MCUB: variants seen among roughly 807,000 people sequenced by gnomAD.
MCUB encodes the protein calcium uniporter regulatory subunit MCUb, mitochondrial.
In MCUB, 46 loss-of-function variants were observed where a neutral mutation model predicts 41.4. The observed-to-expected ratio is 1.11, with a 90% CI of 0.88 to 1.42. The LOEUF (loss-of-function observed/expected upper bound fraction) is 1.42, where lower values mean the gene tolerates loss of function less well. Among genes scored for constraint, MCUB ranks in the 40% most tolerant of loss-of-function variants. The probability of loss-of-function intolerance (pLI) is 0.00; values close to 1 mark genes in which losing one functional copy is unlikely to be tolerated. For synonymous variants in MCUB, 148 were observed against 148.2 expected, an observed-to-expected ratio of 1.00 and a Z score of 0.01; for missense variants, 403 against 404.9, an observed-to-expected ratio of 1.00 and a Z score of 0.04.
chr4:109,676,737 A>C (rs1278337445), intron 4 of MCUB, among the ~76,000 whole-genome samples: 2 of 152,254 alleles, frequency 1.3e-5, no homozygotes, highest in African/African-American at 2.4e-5. Flanking sequence ...TTTCATATCC[A>C]AGGACTTTAT....
intron 1 of MCUB, among the ~76,000 whole-genome samples, chr4:109,625,265 C>T (rs1339060061): frequency 6.6e-6 from 1 of 152,164 alleles, no homozygotes; most frequent in Non-Finnish European, 1.5e-5. Flanking sequence ...TCTCAGGCCT[C>T]ATCAGAAGAG....
chr4:109,607,909 T>C (rs59610550), intron 1 of MCUB, among the ~76,000 whole-genome samples: 3,003 of 152,294 alleles, frequency 0.02, 96 homozygotes, highest in African/African-American at 0.069. Flanking sequence ...GTAACTTTCT[T>C]GTATTTGAAT....
intron 1 of MCUB, among the ~76,000 whole-genome samples, chr4:109,622,577 G>C (rs2126135982): frequency 1.3e-5 from 2 of 152,308 alleles, no homozygotes; most frequent in African/African-American, 4.8e-5. Flanking sequence ...TGATTTAAAA[G>C]TGAGGATCCT....
chr4:109,573,452 C>CAA lies in MCUB; in HGVS notation c.99+13030_99+13031dup, dbSNP rs763163538. Among the ~76,000 whole-genome samples the CAA allele has an allele frequency of 8.9e-3, 791 of 88,966 alleles. 3 individuals are homozygous for CAA. Among genetic ancestry groups the CAA allele is most frequent in the Non-Finnish European group, 0.011 (446 of 42,132 alleles). 58.4% of individuals were successfully genotyped at this position (88,966 alleles called of 152,430 possible). The stretch of plus-strand genomic sequence containing the variant: ...TGAGCGACAGAGTGAGACTCCATCT[C>CAA]AAAAAAAAAAAAAAAGGAAGAGTGG... On this transcript the variant is annotated intron_variant, in intron 1 of 7. Transcript: ENST00000394650.
At chr4:109,668,824 T>G (rs1202583127) in intron 4 of MCUB, among the ~76,000 whole-genome samples, 1 of 152,072 alleles carries the variant, frequency 6.6e-6, no homozygotes, top group East Asian at 1.9e-4. Flanking sequence ...TTTTAGCGGT[T>G]GCCTAAGAGT....
At chr4:109,656,276 C>G (rs1249824952) in intron 1 of MCUB, among the ~76,000 whole-genome samples, 2 of 150,824 alleles carry the variant, frequency 1.3e-5, no homozygotes, top group Non-Finnish European at 2.9e-5. Flanking sequence ...CATGCCAAAC[C>G]ACTGGCAGTG....
At chr4:109,670,729 A>G (rs1273752532) in intron 4 of MCUB, among the ~76,000 whole-genome samples, 3 of 151,954 alleles carry the variant, frequency 2.0e-5, no homozygotes, top group Admixed American at 1.3e-4. Flanking sequence ...CAAAAAAAAA[A>G]AAGAAAAAGA....
At chr4:109,579,558 G>A (rs1727121424) in intron 1 of MCUB, among the ~76,000 whole-genome samples, 1 of 152,152 alleles carries the variant, frequency 6.6e-6, no homozygotes, top group African/African-American at 2.4e-5. Context: ...CATAGCATTA[G>A]GCAGGTTTTG....
At chr4:109,587,789 C>T (rs1274559930) in intron 1 of MCUB, among the ~76,000 whole-genome samples, 1 of 152,066 alleles carries the variant, frequency 6.6e-6, no homozygotes, top group Non-Finnish European at 1.5e-5. Flanking sequence ...GAAATAGACT[C>T]ATAAAAATAA....
At chr4:109,592,903 CA>C (rs1381594515) in intron 1 of MCUB, among the ~76,000 whole-genome samples, 29 of 152,314 alleles carry the variant, frequency 1.9e-4, no homozygotes, top group African/African-American at 7.0e-4. Context: ...AATATACACA[CA>C]GATATTTTGA....
chr4:109,591,271 C>T (rs768282680), intron 1 of MCUB, among the ~76,000 whole-genome samples: 201 of 152,134 alleles, frequency 1.3e-3, no homozygotes, highest in Non-Finnish European at 1.5e-3. Context: ...CTGCAACCTC[C>T]ACCTGCCAGG....
Position 109,675,052 on chromosome 4 carries a change from A to G in MCUB, c.452-7530A>G, listed in dbSNP as rs1024890442. 4.6e-5 allele frequency among the ~76,000 whole-genome samples: 7 copies of G among 152,260 alleles called. No individual in the cohort carries two copies. The East Asian group carries it at 9.6e-4, about 21-fold the overall frequency. On this transcript the variant is annotated intron_variant, in intron 4 of 7. Transcript: ENST00000394650. ...CTGAATTTAATTCCATAGTGATAAC[A>G]TGGTATATGTATTGTTATTAAAGTA... is the stretch of plus-strand genomic sequence containing the variant.
intron 4 of MCUB, chr4:109,673,765 G>A (rs1403092873): frequency 1.7e-6 from 1 of 580,188 alleles, no homozygotes; most frequent in Non-Finnish European, 3.1e-6. Context: ...ATAAGCTTCT[G>A]AAGAAAAGGA....
At chr4:109,684,259 T>A (rs987939436) in intron 5 of MCUB, among the ~76,000 whole-genome samples, 184 bp from the exon 6 acceptor site, 1 of 152,110 alleles carries the variant, frequency 6.6e-6, no homozygotes, top group South Asian at 2.1e-4. Flanking sequence ...AGACGGGGTT[T>A]CACCATGTTA....
chr4:109,659,946 C>T (rs1729191208), intron 2 of MCUB, among the ~76,000 whole-genome samples: 1 of 152,194 alleles, frequency 6.6e-6, no homozygotes, highest in Non-Finnish European at 1.5e-5. Context: ...GCATGAGCCA[C>T]CATGCCGGCC....
At chr4:109,657,445 A>G (rs778554499) in intron 1 of MCUB, among the ~76,000 whole-genome samples, 1 of 152,104 alleles carries the variant, frequency 6.6e-6, no homozygotes, top group Non-Finnish European at 1.5e-5. Context: ...TTAACCACTG[A>G]TTTATTATTT....
Position 109,673,308 on chromosome 4 carries a change from T to TCAAACC in MCUB, c.451+8915_451+8920dup, listed in dbSNP as rs571445266. Among the ~76,000 whole-genome samples, 29 of 152,290 alleles carry TCAAACC rather than the reference T, an allele frequency of 1.9e-4. No individual in the cohort carries two copies. In the South Asian group the frequency reaches 5.6e-3, roughly 29 times the overall value. Reference sequence around the variant, plus strand: ...TTACTCCATATGACCTTCCCATCCCTCAAACCACCACATGGACCATAAGCC... The same window carrying TCAAACC: ...TTACTCCATATGACCTTCCCATCCCTCAAACCCAAACCACCACATGGACCATAAGCC... On this transcript the variant is annotated intron_variant, in intron 4 of 7. Coordinates refer to ENST00000394650, the MANE Select transcript of MCUB (RefSeq NM_017918.5).
chr4:109,655,320 G>A (rs1027378512), intron 1 of MCUB, among the ~76,000 whole-genome samples: 3 of 152,128 alleles, frequency 2.0e-5, no homozygotes, highest in African/African-American at 4.8e-5. Context: ...CTGAAAATTC[G>A]CTGAACCTCA....
intron 1 of MCUB, among the ~76,000 whole-genome samples, chr4:109,644,954 C>T (rs1728801458): frequency 6.6e-6 from 1 of 152,078 alleles, no homozygotes; most frequent in Non-Finnish European, 1.5e-5. Context: ...CCTAAACAAG[C>T]ATATCTTTAG....
Sources: allele counts gnomAD v4.1 joint callset (sites outside exome capture counted in the v4.1 genomes callset), GRCh38; gene constraint gnomAD v4.1.1; transcripts MANE v1.5; gene names NCBI Gene and HGNC (gene_info 2026-07-23, HGNC 2026-07-21).